The following AIG1 variants were observed in gnomAD, a reference collection of about 807,000 sequenced individuals.
AIG1 encodes androgen-induced gene 1 protein.
AIG1 carries 23 observed loss-of-function variants against 31.4 expected under a neutral mutation model. That is an observed-to-expected ratio of 0.73 (90% confidence interval 0.53 to 1.04). The LOEUF is 1.04. Ranked by LOEUF, AIG1 falls within the 50% of genes least tolerant of loss-of-function variation. The pLI, the probability that AIG1 is intolerant of heterozygous loss-of-function variation, is 0.00. For synonymous variants in AIG1, 100 were observed against 110.5 expected (o/e 0.90, Z 0.60); for missense variants, 274 against 295.0 (o/e 0.93, Z 0.52).
At chr6:143,141,289 C>T (rs941032237) in intron 2 of AIG1, among the ~76,000 whole-genome samples, 2 of 152,116 alleles carry the variant, frequency 1.3e-5, no homozygotes. Flanking sequence ...GGTGGTTTAT[C>T]TGGGATTTGT....
Position 143,292,690 on chromosome 6 carries a change from T to C in AIG1, c.515+8465T>C, listed in dbSNP as rs765972023. Reference sequence around the variant, plus strand: ...GTCATAGTAGCAAGAAAAAAACGAATACTTGAACAAATCACTTAATCTCTA... The same window carrying C: ...GTCATAGTAGCAAGAAAAAAACGAACACTTGAACAAATCACTTAATCTCTA... On this transcript the variant is annotated intron_variant, in intron 4 of 5. Transcript: ENST00000357847. The surrounding 1 kb of genome is among the most constrained non-coding windows in gnomAD (Gnocchi z 4.9). Among the ~76,000 whole-genome samples, 1 of 152,304 alleles carries C rather than the reference T, an allele frequency of 6.6e-6. No homozygotes were observed. Among genetic ancestry groups the C allele is most frequent in the Non-Finnish European group, 1.5e-5 (1 of 68,028 alleles).
intron 3 of AIG1, among the ~76,000 whole-genome samples, chr6:143,208,754 A>G (rs184911473): frequency 1.6e-4 from 24 of 152,264 alleles, no homozygotes; most frequent in Admixed American, 1.4e-3. Context: ...AAACCATTTT[A>G]GATATTTTCC....
intron 1 of AIG1, among the ~76,000 whole-genome samples, chr6:143,085,084 T>C (rs768149011): frequency 6.6e-6 from 1 of 152,186 alleles, no homozygotes; most frequent in Non-Finnish European, 1.5e-5. Context: ...CTAACCCTTG[T>C]AAAACATCAA....
At chr6:143,177,767 G>A (rs916835550) in intron 3 of AIG1, among the ~76,000 whole-genome samples, 2 of 152,200 alleles carry the variant, frequency 1.3e-5, no homozygotes, top group African/African-American at 2.4e-5. Flanking sequence ...CTTCATCACT[G>A]GAGGGGTCAG....
chr6:143,334,789 G>T lies in AIG1; in HGVS notation c.679+1344G>T, dbSNP rs1406266623. Among the ~76,000 whole-genome samples, 1 of 152,152 alleles carries T rather than the reference G, an allele frequency of 6.6e-6. No homozygotes were observed. The highest frequency in any genetic ancestry group is 1.9e-4 in the East Asian group (1 of 5,192). ...GTGTCCAATATATGTTATTCAGGAA[G>T]TACTTAAGTACCTGCTTACACTTGA... On this transcript the variant is annotated intron_variant, in intron 5 of 5. Transcript: ENST00000357847. This position sits in a 1 kb window ranked among gnomAD's most constrained non-coding sequence, Gnocchi z 5.1.
chr6:143,275,131 T>G (rs1350052691), intron 3 of AIG1, among the ~76,000 whole-genome samples: 2 of 152,166 alleles, frequency 1.3e-5, no homozygotes, highest in Non-Finnish European at 2.9e-5. Context: ...GTGGAGCTTA[T>G]TAAAGTAAAG....
intron 3 of AIG1, among the ~76,000 whole-genome samples, chr6:143,173,974 G>C (rs1422838295): frequency 6.6e-6 from 1 of 152,170 alleles, no homozygotes; most frequent in Non-Finnish European, 1.5e-5. Context: ...GTCTAGTGCT[G>C]TCAGTGGAGT....
chr6:143,171,253 A>G (rs1787487997), intron 3 of AIG1, among the ~76,000 whole-genome samples: 1 of 150,620 alleles, frequency 6.6e-6, no homozygotes, highest in Non-Finnish European at 1.5e-5. Context: ...TTGCATCCTC[A>G]TAGCTTAGCT....
At chr6:143,307,547 C>T (rs1363829912) in intron 4 of AIG1, among the ~76,000 whole-genome samples, 8 of 152,180 alleles carry the variant, frequency 5.3e-5, no homozygotes, top group Non-Finnish European at 1.0e-4. Flanking sequence ...GCTGTCTGAT[C>T]GTTCCTCTGG....
chr6:143,062,044 A>C (rs1776306160), intron 1 of AIG1, among the ~76,000 whole-genome samples: 1 of 152,224 alleles, frequency 6.6e-6, no homozygotes, highest in Non-Finnish European at 1.5e-5. Flanking sequence ...TGTTTATCCA[A>C]GACTATACAG....
At chr6:143,171,674 C>A (rs1445546917) in intron 3 of AIG1, among the ~76,000 whole-genome samples, 1 of 150,494 alleles carries the variant, frequency 6.6e-6, no homozygotes, top group Non-Finnish European at 1.5e-5. Flanking sequence ...ATAACAACTT[C>A]TTTTCCTCTG....
intron 4 of AIG1, among the ~76,000 whole-genome samples, chr6:143,286,299 A>G (rs1265869926): frequency 6.6e-6 from 1 of 152,142 alleles, no homozygotes; most frequent in Non-Finnish European, 1.5e-5. Context: ...ATTAAAATGA[A>G]GCATTACTCA....
At chr6:143,070,145 GC>G (rs1562342398) in intron 1 of AIG1, among the ~76,000 whole-genome samples, 2 of 152,094 alleles carry the variant, frequency 1.3e-5, no homozygotes, top group African/African-American at 4.8e-5. Flanking sequence ...ATTTGTTTAT[GC>G]TATTCTAATT....
chr6:143,177,633 G>A (rs1049321241), intron 3 of AIG1, among the ~76,000 whole-genome samples: 2 of 152,190 alleles, frequency 1.3e-5, no homozygotes, highest in Non-Finnish European at 1.5e-5. Context: ...GCTATTGCAC[G>A]GCTTTGCTGA....
rs139730242 is a variant in AIG1 at position 143,331,666 on chromosome 6, ATGTG to A, written c.516-1604_516-1601del. Among the ~76,000 whole-genome samples, 3 of 150,460 alleles carry A rather than the reference ATGTG, an allele frequency of 2.0e-5. No individual in the cohort carries two copies. The highest frequency in any genetic ancestry group is 1.9e-4 in the East Asian group (1 of 5,150). ...TGTGTGTATATATGTGTGTGTGTAT[ATGTG>A]TGTGTGTGTGTATCTGTGCTTTCTA... is the stretch of plus-strand genomic sequence containing the variant. On this transcript the variant is annotated intron_variant, in intron 4 of 5. Transcript: ENST00000357847. This position sits in a 1 kb window ranked among gnomAD's most constrained non-coding sequence, Gnocchi z 4.1.
chr6:143,283,919 G>T (rs1357368020), intron 3 of AIG1, among the ~76,000 whole-genome samples, 191 bp from the exon 4 acceptor site: 1 of 152,146 alleles, frequency 6.6e-6, no homozygotes, highest in African/African-American at 2.4e-5. Context: ...AGATACAGAA[G>T]AAAAATATTA....
chr6:143,163,083 T>G (rs1028266520), intron 2 of AIG1, among the ~76,000 whole-genome samples: 3 of 152,144 alleles, frequency 2.0e-5, no homozygotes, highest in Non-Finnish European at 4.4e-5. Context: ...CCTGCATATT[T>G]AAAAGCTTTC....
At chr6:143,103,753 C>T (rs1007789055) in intron 1 of AIG1, among the ~76,000 whole-genome samples, 8 of 151,954 alleles carry the variant, frequency 5.3e-5, no homozygotes, top group African/African-American at 1.4e-4. Context: ...GTGATCCGCC[C>T]GCCTCGGCCT....
intron 3 of AIG1, among the ~76,000 whole-genome samples, chr6:143,212,337 A>G (rs566665317): frequency 2.0e-5 from 3 of 152,340 alleles, no homozygotes; most frequent in South Asian, 4.1e-4. Context: ...TTTAAAGCTC[A>G]GCAGATAGCA....
Sources: gnomAD v4.1 joint callset for allele counts (sites outside exome capture counted in the v4.1 genomes callset) on GRCh38, gnomAD v4.1.1 for gene constraint, Gnocchi (gnomAD v3.1) non-coding constraint, MANE v1.5 for transcripts, NCBI Gene and HGNC (gene_info 2026-07-23, HGNC 2026-07-21) for gene names.